Variants in MYO10 observed in about 807,000 individuals in gnomAD.
The protein encoded by MYO10 is myosin X.
In MYO10, 133 loss-of-function variants were observed where a neutral mutation model predicts 257.3. The ratio of observed to expected loss-of-function variants is 0.52; its 90% CI spans 0.45 to 0.60. The LOEUF (loss-of-function observed/expected upper bound fraction) is 0.60. Among genes scored for constraint, MYO10 ranks in the 20% least tolerant of loss-of-function variants. MYO10 has a pLI of 0.00. For synonymous variants in MYO10, 1,104 were observed against 1,028.6 expected (o/e 1.07, Z -1.40); for missense variants, 2,399 against 2,635.7 (o/e 0.91, Z 1.97).
chr5:16,919,443 A>G (rs1745919773), intron 1 of MYO10, among the ~76,000 whole-genome samples: 1 of 151,692 alleles, frequency 6.6e-6, no homozygotes, highest in African/African-American at 2.4e-5. Flanking sequence ...AAATGAGTTC[A>G]TGGAGCTAGA....
In MYO10 at chr5:16,701,038, G is replaced by A. The variant is rs758844572; in HGVS notation, c.3357C>T (p.Pro1119=). 9.6e-6 allele frequency: 15 copies of A among 1,564,716 alleles called. No homozygotes were observed. Among genetic ancestry groups the A allele is most frequent in the South Asian group, 5.9e-5 (5 of 84,826 alleles). The change falls in exon 25 of 41, where the codon CCC becomes CCT. Residue 1119 remains proline, a synonymous_variant. Coordinates refer to ENST00000513610, the MANE Select transcript of MYO10 (RefSeq NM_012334.3). This position sits in a 1 kb window ranked among gnomAD's most constrained non-coding sequence, Gnocchi z 8.1. ...FSNSYGSQWS[P]DYRCSVGTYN... ...AGGTCCCCACAGAGCAGCGGTAGTCGGGGGACCACTGGCTGCCGTAGGAGT... is the reference window on the plus strand; with the variant it reads ...AGGTCCCCACAGAGCAGCGGTAGTCAGGGGACCACTGGCTGCCGTAGGAGT...
At chr5:16,716,468 C>A (rs986412502) in intron 19 of MYO10, among the ~76,000 whole-genome samples, 1 of 120,570 alleles carries the variant, frequency 8.3e-6, no homozygotes, top group African/African-American at 3.3e-5. Context: ...TGAACATTAC[C>A]GAGCCTTCCA....
At chr5:16,852,892 T>C (rs577776561) in intron 2 of MYO10, among the ~76,000 whole-genome samples, 20 of 152,206 alleles carry the variant, frequency 1.3e-4, no homozygotes, top group Admixed American at 7.8e-4. Flanking sequence ...CAGGAATTCC[T>C]CAAAAGCCTT....
chr5:16,823,468 A>ATTTTTTTTT (rs1173952251), intron 2 of MYO10, among the ~76,000 whole-genome samples: 108 of 6,422 alleles, frequency 0.017, 15 homozygotes, highest in South Asian at 0.053. Flanking sequence ...GGGAGTGGGG[A>ATTTTTTTTT]TTTTTTTTTT....
At chr5:16,740,885 CA>C (rs536412973) in intron 19 of MYO10, among the ~76,000 whole-genome samples, 3,329 of 133,292 alleles carry the variant, frequency 0.025, 119 homozygotes, top group African/African-American at 0.082. Context: ...AAATTGATGG[CA>C]AAAAAAAAAA....
intron 19 of MYO10, among the ~76,000 whole-genome samples, chr5:16,750,467 C>T (rs770043734): frequency 6.6e-6 from 1 of 152,142 alleles, no homozygotes; most frequent in Admixed American, 6.5e-5. Context: ...ATTCTTCAAC[C>T]CCAGATGCGC....
intron 14 of MYO10, 104 bp from the exon 15 acceptor site, chr5:16,762,741 A>C (rs1740756189): frequency 1.3e-6 from 1 of 780,902 alleles, no homozygotes; most frequent in Non-Finnish European, 2.1e-6. Flanking sequence ...AGATGGGCAG[A>C]TCATTTGAGG....
chr5:16,670,717 C>G lies in MYO10; in HGVS notation c.5692G>C (p.Val1898Leu). ...TCCTCCTCGACCTTCTGCCGGACCA[C>G]GGATCCTGTCCGGAAGCTCCGCCTC... is the stretch of plus-strand genomic sequence containing the variant. ...TLRRSFRTGS[V>L]VRQKVEEEQM... The change falls in exon 39 of 41, where the codon GTG (valine) becomes CTG (leucine). Residue 1898 changes from valine (V) to leucine (L), a missense_variant. Coordinates refer to ENST00000513610, the MANE Select transcript of MYO10 (RefSeq NM_012334.3). The G allele has an allele frequency of 6.2e-7, 1 of 1,614,046 alleles. No individual in the cohort carries two copies. Among genetic ancestry groups the G allele is most frequent in the Middle Eastern group, 1.6e-4 (1 of 6,062 alleles).
intron 3 of MYO10, among the ~76,000 whole-genome samples, chr5:16,801,924 C>T (rs1422338714): frequency 6.6e-6 from 1 of 152,152 alleles, no homozygotes; most frequent in African/African-American, 2.4e-5. Context: ...GTGGCACATC[C>T]ATACAACGGA....
chr5:16,668,569 A>G, intron 39 of MYO10, 101 bp from the exon 40 acceptor site: 1 of 910,354 alleles, frequency 1.1e-6, no homozygotes, highest in East Asian at 2.8e-5. Flanking sequence ...CTCTGTGCAG[A>G]AGATTAAATA....
chr5:16,784,514 T>A (rs910096319), intron 4 of MYO10, among the ~76,000 whole-genome samples: 1 of 152,168 alleles, frequency 6.6e-6, no homozygotes, highest in African/African-American at 2.4e-5. Context: ...TGAGAGAGAC[T>A]TGAACGGAGA....
intron 11 of MYO10, among the ~76,000 whole-genome samples, chr5:16,765,803 A>G (rs1740844991): frequency 6.6e-6 from 1 of 152,212 alleles, no homozygotes. Context: ...AGTAGTAAGT[A>G]GAAGGGTCAA....
At chr5:16,853,271 G>A (rs908596051) in intron 2 of MYO10, among the ~76,000 whole-genome samples, 1 of 152,006 alleles carries the variant, frequency 6.6e-6, no homozygotes, top group African/African-American at 2.4e-5. Context: ...CTACTCGGGA[G>A]GCTGAGGCAG....
rs1490775861 is a variant in MYO10 at position 16,674,738 on chromosome 5, C to A, written c.4964+115G>T. The A allele has an allele frequency of 2.5e-6, 3 of 1,208,314 alleles. No individual in the cohort carries two copies. In the African/African-American group the frequency reaches 4.6e-5, roughly 19 times the overall value. The allele number at this position is 1,208,314 out of a possible 1,614,324, so 74.8% of individuals were successfully genotyped here. ...AACCCACAAGTCTGACCCAGAGGTC[C>A]CTGTCCTACTAGAGGTGTCTTCTGT... On this transcript the variant is annotated intron_variant, in intron 35 of 40. Coordinates refer to ENST00000513610, the MANE Select transcript of MYO10 (RefSeq NM_012334.3).
chr5:16,712,206 G>C (rs1454234799), intron 19 of MYO10, among the ~76,000 whole-genome samples: 1 of 152,140 alleles, frequency 6.6e-6, no homozygotes, highest in African/African-American at 2.4e-5. Context: ...TCAAATTCTA[G>C]TCAAATACTT....
rs1250804070 is a variant in MYO10 at position 16,694,505 on chromosome 5, T to C, written c.3666A>G (p.Lys1222=). 3.1e-6 allele frequency: 5 copies of C among 1,613,764 alleles called. No individual in the cohort carries two copies. Among genetic ancestry groups the C allele is most frequent in the Non-Finnish European group, 4.2e-6 (5 of 1,179,844 alleles). ...TGGACAGCGTGGAGGAGCCCCCCCC[T>C]TTTTTGTGGAGCCAGCCTTGCTTGA... ...EALKQGWLHK[K]GGGSSTLSRR... Residue 1222 remains lysine, a synonymous_variant, in exon 27 of 41, where the codon AAA becomes AAG. Coordinates refer to ENST00000513610, the MANE Select transcript of MYO10 (RefSeq NM_012334.3).
At chr5:16,764,039 T>C (rs1412641331) in intron 12 of MYO10, among the ~76,000 whole-genome samples, 4 of 152,038 alleles carry the variant, frequency 2.6e-5, no homozygotes, top group African/African-American at 9.6e-5. Context: ...TCTCAGCTTC[T>C]TGGGAGGCTG....
At chr5:16,747,956 A>AAAAAAAAAC (rs1740256064) in intron 19 of MYO10, among the ~76,000 whole-genome samples, 1 of 150,586 alleles carries the variant, frequency 6.6e-6, no homozygotes, top group East Asian at 1.9e-4. Context: ...AGAAAAAAAA[A>AAAAAAAAAC]AAGATACAGG....
At chr5:16,923,638 AAAT>A (rs1440899551) in intron 1 of MYO10, among the ~76,000 whole-genome samples, 1 of 150,138 alleles carries the variant, frequency 6.7e-6, no homozygotes, top group Non-Finnish European at 1.5e-5. Flanking sequence ...CTAGGTTAAT[AAAT>A]AATAAGCCTT....
Sources: gnomAD v4.1 joint callset for allele counts (sites outside exome capture counted in the v4.1 genomes callset) on GRCh38, gnomAD v4.1.1 for gene constraint, Gnocchi (gnomAD v3.1) non-coding constraint, MANE v1.5 for transcripts, NCBI Gene and HGNC (gene_info 2026-07-23, HGNC 2026-07-21) for gene names.